VRK2: variants seen among roughly 807,000 people sequenced by gnomAD.
The protein encoded by VRK2 is VRK serine/threonine kinase 2, also known as serine/threonine-protein kinase VRK2.
In VRK2, 60 loss-of-function variants were observed where a neutral mutation model predicts 57.6. The observed-to-expected ratio is 1.04, with a 90% CI of 0.85 to 1.29. The LOEUF (loss-of-function observed/expected upper bound fraction) is 1.29, where lower values mean the gene tolerates loss of function less well. Ranked by LOEUF, VRK2 falls within the 50% of genes most tolerant of loss-of-function variation. The probability of loss-of-function intolerance (pLI) is 0.00; values close to 1 mark genes in which losing one functional copy is unlikely to be tolerated. For synonymous variants in VRK2, 231 were observed against 199.2 expected, an observed-to-expected ratio of 1.16 and a Z score of -1.35; for missense variants, 705 against 588.1, an observed-to-expected ratio of 1.20 and a Z score of -2.06.
At chr2:58,077,916 G>A (rs1407060954) in intron 2 of VRK2, among the ~76,000 whole-genome samples, 13 of 152,072 alleles carry the variant, frequency 8.5e-5, no homozygotes, top group Admixed American at 8.5e-4. Context: ...ACATAGTTTT[G>A]TCATTTCTTG....
rs375966065 is a variant in VRK2 at position 58,108,745 on chromosome 2, C to T, written c.544-14356C>T. Among the ~76,000 whole-genome samples, 37 of 152,244 alleles carry T rather than the reference C, an allele frequency of 2.4e-4. No homozygotes were observed. In the South Asian group the frequency reaches 7.3e-3, roughly 30 times the overall value. On this transcript the variant is annotated intron_variant, in intron 7 of 12. Transcript: ENST00000340157. ...ATTTCATAGACTTTTATGCTTTTGTCAGAGTATATGTTACCTCTAGGCCTG... is the reference window on the plus strand; with the variant it reads ...ATTTCATAGACTTTTATGCTTTTGTTAGAGTATATGTTACCTCTAGGCCTG...
chr2:58,105,141 A>C (rs543829059), intron 7 of VRK2, among the ~76,000 whole-genome samples: 4 of 152,132 alleles, frequency 2.6e-5, no homozygotes, highest in South Asian at 4.1e-4. Flanking sequence ...TCTTGTGGAC[A>C]TTGGTCTAGG....
intron 1 of VRK2, among the ~76,000 whole-genome samples, chr2:57,932,193 T>A (rs534300667): frequency 6.6e-6 from 1 of 152,132 alleles, no homozygotes; most frequent in African/African-American, 2.4e-5. Context: ...TGGCTTTGGT[T>A]TGAAGGTAAT....
intron 2 of VRK2, among the ~76,000 whole-genome samples, chr2:58,061,723 A>G (rs1283561997): frequency 6.6e-6 from 1 of 152,062 alleles, no homozygotes; most frequent in East Asian, 1.9e-4. Context: ...TAATATAATG[A>G]GAATGCTATT....
chr2:57,987,209 T>G (rs1338032722), intron 1 of VRK2, among the ~76,000 whole-genome samples: 1 of 152,100 alleles, frequency 6.6e-6, no homozygotes. Context: ...AAGGTGCTTA[T>G]AATAAAACAA....
intron 12 of VRK2, among the ~76,000 whole-genome samples, chr2:58,152,275 T>C (rs950695166): frequency 5.9e-5 from 9 of 151,902 alleles, no homozygotes; most frequent in African/African-American, 2.2e-4. Context: ...TCAAGTCATA[T>C]TAGACAGCGT....
chr2:58,095,389 A>C (rs566447468), intron 7 of VRK2, among the ~76,000 whole-genome samples: 5 of 152,086 alleles, frequency 3.3e-5, no homozygotes, highest in Non-Finnish European at 7.4e-5. Flanking sequence ...TGTATGATGT[A>C]TAGATGTTCA....
intron 1 of VRK2, among the ~76,000 whole-genome samples, chr2:57,956,453 T>C (rs1206079196): frequency 1.3e-5 from 2 of 152,222 alleles, no homozygotes; most frequent in Admixed American, 1.3e-4. Context: ...TCTTCCAGGA[T>C]GTCCTAATGG....
chr2:58,074,293 T>C (rs1030155386), intron 2 of VRK2, among the ~76,000 whole-genome samples: 3 of 152,140 alleles, frequency 2.0e-5, no homozygotes, highest in Admixed American at 1.3e-4. Flanking sequence ...TTTAAAGTGA[T>C]TGTTAGTATA....
intron 2 of VRK2, chr2:58,025,882 T>C (rs1290455741): frequency 6.6e-6 from 1 of 152,224 alleles, no homozygotes; most frequent in African/African-American, 2.4e-5. Context: ...GTGCTTCCTT[T>C]ATCTAACTTT....
chr2:57,919,004 C>G (rs1370047771), intron 1 of VRK2, among the ~76,000 whole-genome samples: 1 of 152,074 alleles, frequency 6.6e-6, no homozygotes, highest in Non-Finnish European at 1.5e-5. Context: ...GAATTAATAT[C>G]TTGTTCTATT....
intron 3 of VRK2, among the ~76,000 whole-genome samples, chr2:58,035,565 T>G (rs1018125442): frequency 6.6e-6 from 1 of 152,032 alleles, no homozygotes; most frequent in Admixed American, 6.6e-5. Context: ...AGTAGCCTTA[T>G]GAAATGAATC....
intron 1 of VRK2, among the ~76,000 whole-genome samples, chr2:57,984,228 GT>G (rs1346302884): frequency 6.6e-6 from 1 of 151,834 alleles, no homozygotes; most frequent in African/African-American, 2.4e-5. Context: ...CATATGAATA[GT>G]TTTTTTAAAG....
intron 1 of VRK2, among the ~76,000 whole-genome samples, chr2:57,913,486 G>A (rs1249212814): frequency 6.6e-6 from 1 of 151,908 alleles, no homozygotes; most frequent in Admixed American, 6.6e-5. Flanking sequence ...CTGTTTTCAG[G>A]AGAAATTTAT....
intron 6 of VRK2, among the ~76,000 whole-genome samples, chr2:58,088,855 G>A (rs1282069714): frequency 6.6e-6 from 1 of 152,166 alleles, no homozygotes; most frequent in Non-Finnish European, 1.5e-5. Context: ...TTGGGATGGT[G>A]GCAATAATTA....
chr2:58,124,834 A>G (rs1267622272), intron 8 of VRK2, among the ~76,000 whole-genome samples: 2 of 152,178 alleles, frequency 1.3e-5, no homozygotes, highest in African/African-American at 4.8e-5. Flanking sequence ...AAAAGAAATG[A>G]CTACATTTTT....
At chr2:58,054,900 A>G (rs1181639381) in intron 2 of VRK2, among the ~76,000 whole-genome samples, 1 of 152,210 alleles carries the variant, frequency 6.6e-6, no homozygotes, top group Admixed American at 6.5e-5. Context: ...CTCAGCAATT[A>G]TTTCAAGATA....
At chr2:57,962,040 G>A in intron 1 of VRK2, among the ~76,000 whole-genome samples, 1 of 152,140 alleles carries the variant, frequency 6.6e-6, no homozygotes, top group Non-Finnish European at 1.5e-5. Context: ...TTGCGCCACT[G>A]CACTCCAACC....
intron 1 of VRK2, among the ~76,000 whole-genome samples, chr2:57,960,958 T>A (rs1671739574): frequency 6.6e-6 from 1 of 152,218 alleles, no homozygotes; most frequent in Non-Finnish European, 1.5e-5. Flanking sequence ...GTAGCATGCA[T>A]TTATTCAACA....
Sources: allele counts gnomAD v4.1 joint callset (sites outside exome capture counted in the v4.1 genomes callset), GRCh38; gene constraint gnomAD v4.1.1; transcripts MANE v1.5; gene names NCBI Gene and HGNC (gene_info 2026-07-23, HGNC 2026-07-21).